Variants in ZNF41 observed in about 807,000 individuals in gnomAD.
ZNF41 encodes the protein zinc finger protein 41.
A neutral mutation model predicts 9.3 loss-of-function variants in ZNF41; 6 were observed. That is an observed-to-expected ratio of 0.65 (90% CI 0.35 to 1.28). The LOEUF (loss-of-function observed/expected upper bound fraction) is 1.28, where lower values mean the gene tolerates loss of function less well. Among genes scored for constraint, ZNF41 ranks in the 50% most tolerant of loss-of-function variants. The pLI, the probability that ZNF41 is intolerant of heterozygous loss-of-function variation, is 0.03. For missense variants in ZNF41, 523 were observed against 585.8 expected (o/e 0.89, Z 1.11); for synonymous variants, 192 against 207.1 (o/e 0.93, Z 0.63).
intron 1 of ZNF41, chrX:47,482,893 C>T (rs888598496): frequency 4.9e-4 from 55 of 113,201 alleles, no homozygotes; most frequent in African/African-American, 1.7e-3. Context: ...CGCTTTGCCT[C>T]TTCCGCCCTC....
chrX:47,465,132 G>A (rs777383972), intron 2 of ZNF41, among the ~76,000 whole-genome samples: 2 of 112,557 alleles, frequency 1.8e-5, no homozygotes, highest in Non-Finnish European at 3.8e-5. Context: ...TGATCTGCCC[G>A]CCTTGGCCTC....
Position 47,463,724 on chromosome X carries a change from G to C in ZNF41, c.72+3686C>G, listed in dbSNP as rs146973663. Among the ~76,000 whole-genome samples, 372 of 111,328 alleles carry C rather than the reference G, an allele frequency of 3.3e-3. 5 individuals carry two copies. The highest frequency in any genetic ancestry group is 0.011 in the African/African-American group (350 of 30,697). On this transcript the variant is annotated intron_variant, in intron 2 of 4. Transcript: ENST00000684689. ...TGGCTGCCCCCCAGCCTCAGTGACT[G>C]TTCCTTGCTCCAGGTGTTCCACAGT...
chrX:47,453,175 C>T (rs185369190), intron 4 of ZNF41, among the ~76,000 whole-genome samples: 77 of 111,348 alleles, frequency 6.9e-4, no homozygotes, highest in Non-Finnish European at 8.7e-4. Flanking sequence ...GTGATCCTCC[C>T]GCCTCGGCCT....
chrX:47,476,910 G>T (rs1423696657), intron 1 of ZNF41: 3 of 103,459 alleles, frequency 2.9e-5, no homozygotes, highest in Non-Finnish European at 5.9e-5. Context: ...ACAAAAATTA[G>T]CTGGGCATGG....
chrX:47,453,011 A>G (rs1397381081), intron 4 of ZNF41, among the ~76,000 whole-genome samples: 1 of 112,517 alleles, frequency 8.9e-6, no homozygotes, highest in African/African-American at 3.2e-5. Flanking sequence ...TCAAAACATC[A>G]TGTTGTACAT....
At chrX:47,473,368 AAAG>A (rs2057248305) in intron 1 of ZNF41, among the ~76,000 whole-genome samples, 1 of 112,069 alleles carries the variant, frequency 8.9e-6, no homozygotes. Flanking sequence ...CAAGAAAATG[AAAG>A]AAGATCTGAA....
intron 2 of ZNF41, 174 bp from the exon 3 acceptor site, chrX:47,456,572 G>T: frequency 1.7e-6 from 1 of 602,495 alleles, no homozygotes; most frequent in Non-Finnish European, 2.5e-6. Context: ...AAAGTATCTT[G>T]ACATTTGTTG....
rs774109383 is a variant in ZNF41 at position 47,448,938 on chromosome X, T to C, written c.832A>G (p.Met278Val). 3.3e-6 allele frequency: 4 copies of C among 1,211,605 alleles called. No individual in the cohort carries two copies. In the Admixed American group the frequency reaches 8.7e-5, roughly 26 times the overall value. ...EKLYVCTECV[M>V]GFTQKSHLFE... is the part of the protein sequence containing the mutation. ...AGATGTGACTTCTGAGTGAAGCCCATTACACATTCAGTACACACATAAAGC... is the reference window on the plus strand; with the variant it reads ...AGATGTGACTTCTGAGTGAAGCCCACTACACATTCAGTACACACATAAAGC... The change falls in exon 5 of 5, where the codon ATG (methionine) becomes GTG (valine). Residue 278 changes from methionine (M) to valine (V), a missense_variant. Transcript: ENST00000684689.
In ZNF41 at chrX:47,448,820, T is replaced by C. The variant is rs978932272; in HGVS notation, c.950A>G (p.His317Arg). The change falls in exon 5 of 5, where the codon CAT becomes CGT. Residue 317 changes from histidine (H) to arginine (R), a missense_variant. Transcript: ENST00000684689. Reference protein sequence around the residue: ...VFPQKPQVDVHPSVYTGEKPY... With the variant: ...VFPQKPQVDVRPSVYTGEKPY... ...TTTTTCTCCTGTATAAACACTTGGA[T>C]GTACATCAACCTGGGGTTTCTGGGG... The C allele has an allele frequency of 4.1e-6, 5 of 1,209,884 alleles. No individual in the cohort carries two copies. Among genetic ancestry groups the C allele is most frequent in the Non-Finnish European group, 5.6e-6 (5 of 895,237 alleles).
At chrX:47,472,837 C>T (rs1449263758) in intron 1 of ZNF41, among the ~76,000 whole-genome samples, 2 of 109,856 alleles carry the variant, frequency 1.8e-5, no homozygotes, top group African/African-American at 3.3e-5. Flanking sequence ...ATTCTCCTGC[C>T]TCAGCCTCCT....
At chrX:47,472,558 C>T (rs1429437034) in intron 1 of ZNF41, among the ~76,000 whole-genome samples, 1 of 105,594 alleles carries the variant, frequency 9.5e-6, no homozygotes, top group Non-Finnish European at 1.9e-5. Flanking sequence ...CCTGCCTCAA[C>T]CTCCCAAGTA....
intron 4 of ZNF41, among the ~76,000 whole-genome samples, chrX:47,454,922 A>G (rs1473004375): frequency 8.9e-6 from 1 of 112,023 alleles, no homozygotes; most frequent in African/African-American, 3.2e-5. Flanking sequence ...GGGAGGAGGC[A>G]TAAAGAATGG....
chrX:47,474,280 A>C (rs2057273237), intron 1 of ZNF41, among the ~76,000 whole-genome samples: 1 of 110,898 alleles, frequency 9.0e-6, no homozygotes, highest in Non-Finnish European at 1.9e-5. Flanking sequence ...CAGCCTGGCC[A>C]ACATGGTGAA....
chrX:47,445,460 C>G lies in ZNF41; in HGVS notation c.*1970G>C, dbSNP rs1184287435. The stretch of plus-strand genomic sequence containing the variant: ...AAGAAAATAAAACCGAAAACTAAAA[C>G]TGACATATCACTATATGCCCACCAC... On this transcript the variant is annotated 3_prime_UTR_variant, in exon 5 of 5. Coordinates refer to ENST00000684689, the MANE Select transcript of ZNF41 (RefSeq NM_001324144.2). Among the ~76,000 whole-genome samples, 1 of 111,696 alleles carries G rather than the reference C, an allele frequency of 9.0e-6. No individual in the cohort carries two copies. The highest frequency in any genetic ancestry group is 1.9e-5 in the Non-Finnish European group (1 of 53,142).
At chrX:47,450,734 C>T (rs921248478) in intron 4 of ZNF41, among the ~76,000 whole-genome samples, 2 of 111,654 alleles carry the variant, frequency 1.8e-5, no homozygotes, top group African/African-American at 6.5e-5. Context: ...GCAGGCCAGC[C>T]TTAAGACAGT....
At position 47,448,065 on chromosome X, in the gene ZNF41, G is replaced by A. The variant is rs770713131; in HGVS notation, c.1705C>T (p.His569Tyr). 1 of 1,211,540 alleles carries A rather than the reference G, an allele frequency of 8.3e-7. No homozygotes were observed. Among genetic ancestry groups the A allele is most frequent in the Non-Finnish European group, 1.1e-6 (1 of 895,528 alleles). ...CTCTCTCCAATATGAGATTTCTGAT[G>A]TATTTTGAGGCGCGACTTCCATATG... ...AFIWKSRLKI[H>Y]QKSHIGERHY... Residue 569 changes from histidine to tyrosine, a missense_variant, in exon 5 of 5, where the codon CAT becomes TAT. Transcript: ENST00000684689.
At chrX:47,467,824 C>T (rs950899823) in intron 1 of ZNF41, 64 bp from the exon 2 acceptor site, 5 of 279,476 alleles carry the variant, frequency 1.8e-5, no homozygotes, top group Non-Finnish European at 3.2e-5. Flanking sequence ...GGGGAAAATT[C>T]ACAAGATCTG....
chrX:47,448,205 G>C lies in ZNF41; in HGVS notation c.1565C>G (p.Pro522Arg). 1 of 1,211,442 alleles carries C rather than the reference G, an allele frequency of 8.3e-7. No individual in the cohort carries two copies. The highest frequency in any genetic ancestry group is 1.1e-6 in the Non-Finnish European group (1 of 895,422). ...CTTTCCACATTCAGCACACATATAG[G>C]GTTTTTCCCCAGTATGAGTTTTCTG... Reference protein sequence around the residue: ...THQKTHTGEKPYMCAECGKAF... With the variant: ...THQKTHTGEKRYMCAECGKAF... Residue 522 changes from proline (P) to arginine (R), a missense_variant, in exon 5 of 5, where the codon CCC becomes CGC. Physicochemically the swap from Pro to Arg is moderately radical, Grantham distance 103 (BLOSUM62 -2). Transcript: ENST00000684689.
rs183226529 is a variant in ZNF41, at chrX:47,480,520, C to A, written c.-280+2575G>T. ...GAAATGAGGAAGTCACTAGGCAAGA[C>A]AAGACACTCAGAACCTGTAAAGGAA... On this transcript the variant is annotated intron_variant, in intron 1 of 4. Coordinates refer to ENST00000684689, the MANE Select transcript of ZNF41 (RefSeq NM_001324144.2). 1.3e-4 allele frequency among the ~76,000 whole-genome samples: 14 copies of A among 110,103 alleles called. No individual in the cohort carries two copies. In the East Asian group the frequency reaches 4.0e-3, roughly 31 times the overall value.
Sources: gnomAD v4.1 joint callset for allele counts (sites outside exome capture counted in the v4.1 genomes callset) on GRCh38, gnomAD v4.1.1 for gene constraint, MANE v1.5 for transcripts, NCBI Gene and HGNC (gene_info 2026-07-23, HGNC 2026-07-21) for gene names.